Variants in PLXDC2 observed in about 807,000 individuals in gnomAD.
The protein encoded by PLXDC2 is plexin domain-containing protein 2.
PLXDC2 carries 40 observed loss-of-function variants against 68.9 expected under a neutral mutation model. The observed-to-expected ratio is 0.58, with a 90% CI of 0.45 to 0.76. The LOEUF (loss-of-function observed/expected upper bound fraction) is 0.76, where lower values mean the gene tolerates loss of function less well. PLXDC2 is among the 30% of genes least tolerant of loss of function. The pLI is 0.00. For synonymous variants in PLXDC2, 243 were observed against 234.2 expected (o/e 1.04, Z -0.34); for missense variants, 644 against 661.9 (o/e 0.97, Z 0.30).
In PLXDC2 at chr10:20,046,913, A is replaced by C. The variant is rs764928805; in HGVS notation, c.369A>C (p.Pro123=). 11 of 1,612,868 alleles carry C rather than the reference A, an allele frequency of 6.8e-6. No individual in the cohort carries two copies. Among genetic ancestry groups the C allele is most frequent in the East Asian group, 4.5e-5 (2 of 44,800 alleles). The change falls in exon 3 of 14, where the codon CCA becomes CCC. Residue 123 remains proline, a synonymous_variant. Transcript: ENST00000377252. ...ACTATATATCTCGAATATATGGTCCATCTGATTCTGCCAGCCGGGATTTAT... is the reference window on the plus strand; with the variant it reads ...ACTATATATCTCGAATATATGGTCCCTCTGATTCTGCCAGCCGGGATTTAT... The part of the protein sequence containing the change: ...HNYYISRIYG[P]SDSASRDLWV...
In PLXDC2 at chr10:20,137,026, C is replaced by G. The variant is rs144451168; in HGVS notation, c.542-6269C>G. 2.0e-5 allele frequency among the ~76,000 whole-genome samples: 3 copies of G among 152,292 alleles called. No homozygotes were observed. In the East Asian group the frequency reaches 5.8e-4, roughly 29 times the overall value. On this transcript the variant is annotated intron_variant, in intron 4 of 13. Transcript: ENST00000377252. ...TATCAAACCAAGAACTTTGGACCCT[C>G]AGGTTTTTGTTATCTATTATCCTGT...
intron 1 of PLXDC2, among the ~76,000 whole-genome samples, chr10:19,864,872 G>A (rs554620550): frequency 1.3e-5 from 2 of 152,184 alleles, no homozygotes; most frequent in Non-Finnish European, 2.9e-5. Context: ...AGTTTAAAGG[G>A]TGAGTCAAAC....
At chr10:20,200,503 T>A (rs1367166705) in intron 9 of PLXDC2, among the ~76,000 whole-genome samples, 1 of 152,020 alleles carries the variant, frequency 6.6e-6, no homozygotes. Flanking sequence ...CATTAAAAAT[T>A]ACCTCTTACC....
intron 1 of PLXDC2, among the ~76,000 whole-genome samples, chr10:19,890,173 TTA>T (rs1166059545): frequency 6.6e-6 from 1 of 152,226 alleles, no homozygotes; most frequent in Non-Finnish European, 1.5e-5. Context: ...TCTAATTCCT[TTA>T]AACTCCATAG....
At chr10:19,987,666 A>G (rs1834666787) in intron 1 of PLXDC2, among the ~76,000 whole-genome samples, 1 of 151,362 alleles carries the variant, frequency 6.6e-6, no homozygotes, top group African/African-American at 2.4e-5. Context: ...GGTTCACGCC[A>G]TTCTCCTGCC....
At chr10:20,154,668 G>A (rs1834195521) in intron 6 of PLXDC2, among the ~76,000 whole-genome samples, 2 of 151,930 alleles carry the variant, frequency 1.3e-5, no homozygotes, top group South Asian at 4.1e-4. Flanking sequence ...TGTAGAAGTT[G>A]CAGTTTCTTT....
intron 1 of PLXDC2, among the ~76,000 whole-genome samples, chr10:19,837,679 A>G (rs953021502): frequency 6.6e-6 from 1 of 152,218 alleles, no homozygotes; most frequent in African/African-American, 2.4e-5. Flanking sequence ...AATTTGTTTT[A>G]TAAGACATGC....
intron 9 of PLXDC2, among the ~76,000 whole-genome samples, chr10:20,192,212 G>A (rs1589673740): frequency 6.6e-6 from 1 of 152,042 alleles, no homozygotes; most frequent in East Asian, 1.9e-4. Flanking sequence ...TGAAATTTTT[G>A]CTACACGTAG....
chr10:20,165,631 T>C (rs749922981), intron 7 of PLXDC2, among the ~76,000 whole-genome samples: 2 of 152,180 alleles, frequency 1.3e-5, no homozygotes, highest in African/African-American at 4.8e-5. Flanking sequence ...TAAAACTGTT[T>C]GGGAGTCTAA....
At chr10:20,170,346 C>T (rs368422785) in intron 7 of PLXDC2, among the ~76,000 whole-genome samples, 3 of 152,060 alleles carry the variant, frequency 2.0e-5, no homozygotes, top group African/African-American at 2.4e-5. Context: ...GCATCCACCA[C>T]GCCCAGCTAA....
chr10:20,062,005 G>A (rs1056304884), intron 3 of PLXDC2, among the ~76,000 whole-genome samples: 5 of 152,210 alleles, frequency 3.3e-5, no homozygotes, highest in Admixed American at 3.3e-4. Context: ...CATGTACACA[G>A]CATATTGTTA....
intron 1 of PLXDC2, among the ~76,000 whole-genome samples, chr10:19,969,391 C>T (rs1266587280): frequency 6.6e-6 from 1 of 152,222 alleles, no homozygotes. Context: ...ACCTTTCTGA[C>T]ATGATATTCC....
At chr10:20,195,866 A>G (rs1458055392) in intron 9 of PLXDC2, among the ~76,000 whole-genome samples, 3 of 152,156 alleles carry the variant, frequency 2.0e-5, no homozygotes, top group African/African-American at 7.2e-5. Context: ...AGCACTGAAC[A>G]AAATCTACTG....
chr10:19,820,751 G>A lies in PLXDC2; in HGVS notation c.112+3560G>A, dbSNP rs554845386. Among the ~76,000 whole-genome samples the A allele has an allele frequency of 1.2e-4, 19 of 152,152 alleles. No homozygotes were observed. The South Asian group carries it at 1.7e-3, about 13-fold the overall frequency. On this transcript the variant is annotated intron_variant, in intron 1 of 13. Coordinates refer to ENST00000377252, the MANE Select transcript of PLXDC2 (RefSeq NM_032812.9). ...ACATTATGTTTTTAAAGAGGAATGA[G>A]TTGATCAACAGCCTTGATCATGGGA... is the stretch of plus-strand genomic sequence containing the variant.
chr10:20,161,328 A>G (rs1214846170), intron 6 of PLXDC2, among the ~76,000 whole-genome samples: 1 of 132,536 alleles, frequency 7.5e-6, no homozygotes, highest in Non-Finnish European at 1.7e-5. Context: ...AAAAATAAAA[A>G]TTAAAAAAAA....
At chr10:20,035,023 T>C (rs996674995) in intron 2 of PLXDC2, among the ~76,000 whole-genome samples, 1 of 152,234 alleles carries the variant, frequency 6.6e-6, no homozygotes, top group Non-Finnish European at 1.5e-5. Flanking sequence ...ACAAAGGTGA[T>C]GTCTAATAGC....
intron 1 of PLXDC2, among the ~76,000 whole-genome samples, chr10:19,833,722 A>G (rs1003030671): frequency 6.6e-6 from 1 of 152,182 alleles, no homozygotes; most frequent in Non-Finnish European, 1.5e-5. Context: ...TTGGATGATA[A>G]GTTAACTTTT....
At chr10:20,136,586 G>A (rs1833936125) in intron 4 of PLXDC2, among the ~76,000 whole-genome samples, 1 of 152,180 alleles carries the variant, frequency 6.6e-6, no homozygotes, top group Admixed American at 6.5e-5. Flanking sequence ...GAGAGATCAC[G>A]ATGAGGAGGT....
intron 1 of PLXDC2, among the ~76,000 whole-genome samples, chr10:19,827,273 T>C (rs1836590106): frequency 6.6e-6 from 1 of 152,218 alleles, no homozygotes; most frequent in African/African-American, 2.4e-5. Context: ...TTACTGTAGC[T>C]TTATAATAAG....
Sources: gnomAD v4.1 joint callset for allele counts (sites outside exome capture counted in the v4.1 genomes callset) on GRCh38, gnomAD v4.1.1 for gene constraint, MANE v1.5 for transcripts, NCBI Gene and HGNC (gene_info 2026-07-23, HGNC 2026-07-21) for gene names.